The following ZMIZ1 variants were observed in gnomAD, a reference collection of about 807,000 sequenced individuals.
ZMIZ1 encodes zinc finger MIZ-type containing 1.
ZMIZ1 carries 17 observed loss-of-function variants against 113.9 expected under a neutral mutation model. The observed-to-expected ratio is 0.15, with a 90% CI of 0.10 to 0.22. The LOEUF (loss-of-function observed/expected upper bound fraction) is 0.22, where lower values mean the gene tolerates loss of function less well. Among genes scored for constraint, ZMIZ1 ranks in the 10% least tolerant of loss-of-function variants. ZMIZ1 has a pLI of 1.00. For synonymous variants in ZMIZ1, 607 were observed against 603.1 expected, an observed-to-expected ratio of 1.01 and a Z score of -0.09; for missense variants, 1,059 against 1,477.8, an observed-to-expected ratio of 0.72 and a Z score of 4.65.
chr10:79,156,986 C>T (rs1845925290), intron 3 of ZMIZ1, among the ~76,000 whole-genome samples: 1 of 152,190 alleles, frequency 6.6e-6, no homozygotes, highest in Non-Finnish European at 1.5e-5. Flanking sequence ...CGAAAAGAAA[C>T]ACCAGCATGT....
intron 1 of ZMIZ1, among the ~76,000 whole-genome samples, chr10:79,078,269 G>T (rs1405696470): frequency 1.3e-5 from 2 of 152,138 alleles, no homozygotes; most frequent in African/African-American, 4.8e-5. Context: ...GAGGGACTGG[G>T]CTTGTCAGTT....
At position 79,070,981 on chromosome 10, in the gene ZMIZ1, C is replaced by G. The variant is rs1009332472; in HGVS notation, c.-337+1711C>G. Among the ~76,000 whole-genome samples, 8 of 152,304 alleles carry G rather than the reference C, an allele frequency of 5.3e-5. No individual in the cohort carries two copies. In the East Asian group the frequency reaches 1.5e-3, roughly 29 times the overall value. ...AACAAATGTTCTCTCAGAGGTCCTC[C>G]AAGAAGCTGGCGGCTGGGCTGGCGG... On this transcript the variant is annotated intron_variant, in intron 1 of 24. Coordinates refer to ENST00000334512, the MANE Select transcript of ZMIZ1 (RefSeq NM_020338.4).
chr10:79,083,646 T>C (rs1355027612), intron 1 of ZMIZ1, among the ~76,000 whole-genome samples: 1 of 152,214 alleles, frequency 6.6e-6, no homozygotes, highest in African/African-American at 2.4e-5. Flanking sequence ...GGAGACCATC[T>C]GGGCAGCATT....
intron 7 of ZMIZ1, among the ~76,000 whole-genome samples, chr10:79,243,064 A>G (rs945536673): frequency 6.6e-6 from 1 of 150,816 alleles, no homozygotes; most frequent in East Asian, 2.0e-4. Context: ...TGGAGACGCC[A>G]AGGCAGGTCT....
intron 1 of ZMIZ1, among the ~76,000 whole-genome samples, chr10:79,090,560 T>G (rs573586991): frequency 1.0e-3 from 158 of 152,302 alleles, no homozygotes; most frequent in African/African-American, 3.7e-3. Flanking sequence ...TCCAGAAATC[T>G]GTGTCCTTCT....
rs552748482 is a variant in ZMIZ1, at chr10:79,141,058, C to T, written c.-131+1281C>T. Among the ~76,000 whole-genome samples, 18 of 152,210 alleles carry T rather than the reference C, an allele frequency of 1.2e-4. No homozygotes were observed. In the South Asian group the frequency reaches 1.2e-3, roughly 11 times the overall value. On this transcript the variant is annotated intron_variant, in intron 3 of 24. Transcript: ENST00000334512. Reference sequence around the variant, plus strand: ...AGAGGGTGTGGTGTGCAATGGAGTACGACTCAGATCCCAGAGCCAGACTGA... The same window carrying T: ...AGAGGGTGTGGTGTGCAATGGAGTATGACTCAGATCCCAGAGCCAGACTGA...
intron 1 of ZMIZ1, among the ~76,000 whole-genome samples, chr10:79,102,213 A>C (rs1263723370): frequency 6.6e-6 from 1 of 152,248 alleles, no homozygotes; most frequent in East Asian, 1.9e-4. Context: ...GGCCTCGCCC[A>C]GTTGGAGCAG....
chr10:79,282,144 C>T (rs1564579106), intron 8 of ZMIZ1, among the ~76,000 whole-genome samples: 1 of 152,194 alleles, frequency 6.6e-6, no homozygotes, highest in Non-Finnish European at 1.5e-5. Context: ...GCAACGGGGT[C>T]CAACACCTCA....
chr10:79,153,237 G>A (rs1018678043), intron 3 of ZMIZ1, among the ~76,000 whole-genome samples: 2 of 152,254 alleles, frequency 1.3e-5, no homozygotes, highest in Admixed American at 6.5e-5. Context: ...AGGGCTGGCA[G>A]TAGACAGAAC....
chr10:79,130,296 G>T (rs1248980533), intron 2 of ZMIZ1, among the ~76,000 whole-genome samples: 1 of 152,176 alleles, frequency 6.6e-6, no homozygotes, highest in Non-Finnish European at 1.5e-5. Flanking sequence ...AGCTGCCCAG[G>T]CCTTCCCTAA....
At chr10:79,111,752 C>T (rs1461244061) in intron 1 of ZMIZ1, among the ~76,000 whole-genome samples, 2 of 152,234 alleles carry the variant, frequency 1.3e-5, no homozygotes, top group East Asian at 1.9e-4. Flanking sequence ...GTCTCACTTA[C>T]ACTTGGCTGA....
chr10:79,255,762 C>A (rs576945089), intron 7 of ZMIZ1, among the ~76,000 whole-genome samples: 4 of 152,142 alleles, frequency 2.6e-5, no homozygotes, highest in African/African-American at 9.7e-5. Flanking sequence ...AGAAATAAAC[C>A]GTCCCTCCCC....
At chr10:79,142,416 A>C (rs1845309354) in intron 3 of ZMIZ1, among the ~76,000 whole-genome samples, 1 of 151,778 alleles carries the variant, frequency 6.6e-6, no homozygotes, top group South Asian at 2.1e-4. Context: ...CGTTTAGGGG[A>C]GTGAGTGGAT....
At chr10:79,293,873 T>C (rs1030761361) in intron 12 of ZMIZ1, 7 of 668,854 alleles carry the variant, frequency 1.0e-5, no homozygotes, top group Non-Finnish European at 1.8e-5. Context: ...CTAGGGCTGC[T>C]TGAGGGACTT....
intron 6 of ZMIZ1, among the ~76,000 whole-genome samples, chr10:79,212,805 A>G (rs1848578562): frequency 6.6e-6 from 1 of 151,782 alleles, no homozygotes; most frequent in Non-Finnish European, 1.5e-5. Flanking sequence ...AGATCTTGCT[A>G]TGTTTGCCAG....
At chr10:79,183,828 A>G (rs1014594043) in intron 4 of ZMIZ1, among the ~76,000 whole-genome samples, 1 of 151,998 alleles carries the variant, frequency 6.6e-6, no homozygotes, top group Non-Finnish European at 1.5e-5. Context: ...CTGTTATCCT[A>G]TCATCATCAT....
At chr10:79,268,813 G>A (rs111373294) in intron 7 of ZMIZ1, among the ~76,000 whole-genome samples, 3 of 152,320 alleles carry the variant, frequency 2.0e-5, no homozygotes, top group South Asian at 4.1e-4. Context: ...TCCTCTGACC[G>A]CGTTGCAGAG....
At chr10:79,165,633 G>A (rs544869573) in intron 4 of ZMIZ1, among the ~76,000 whole-genome samples, 1 of 152,266 alleles carries the variant, frequency 6.6e-6, no homozygotes, top group East Asian at 1.9e-4. Flanking sequence ...GGCCTGGGGG[G>A]CCCTGACCAC....
At chr10:79,233,658 A>AT (rs1049150996) in intron 7 of ZMIZ1, among the ~76,000 whole-genome samples, 5 of 151,360 alleles carry the variant, frequency 3.3e-5, no homozygotes, top group African/African-American at 4.9e-5. Flanking sequence ...ACCATGCCTG[A>AT]TTTTTTTCCC....
Sources: allele counts gnomAD v4.1 joint callset (sites outside exome capture counted in the v4.1 genomes callset), GRCh38; gene constraint gnomAD v4.1.1; transcripts MANE v1.5; gene names NCBI Gene and HGNC (gene_info 2026-07-23, HGNC 2026-07-21).